The following ACYP2 variants were observed in gnomAD, a reference collection of about 807,000 sequenced individuals.
The protein encoded by ACYP2 is acylphosphatase 2, also known as acylphosphatase-2.
ACYP2 carries 12 observed loss-of-function variants against 11.2 expected under a neutral mutation model. The observed-to-expected ratio is 1.08, with a 90% confidence interval of 0.69 to 1.74. ACYP2 has a LOEUF of 1.74. Ranked by LOEUF, ACYP2 falls within the 40% of genes most tolerant of loss-of-function variation. The probability of loss-of-function intolerance (pLI) is 0.00; values close to 1 mark genes in which losing one functional copy is unlikely to be tolerated. For synonymous variants in ACYP2, 43 were observed against 32.2 expected, an observed-to-expected ratio of 1.33 and a Z score of -1.13; for missense variants, 134 against 101.9, an observed-to-expected ratio of 1.31 and a Z score of -1.35.
At chr2:54,189,517 A>G (rs1684146388) in intron 6 of ACYP2, among the ~76,000 whole-genome samples, 1 of 152,318 alleles carries the variant, frequency 6.6e-6, no homozygotes, top group South Asian at 2.1e-4. Context: ...AGGCCAAATT[A>G]CATATTCTAT....
chr2:54,279,428 T>C (rs1426917643), intron 6 of ACYP2, among the ~76,000 whole-genome samples: 1 of 152,226 alleles, frequency 6.6e-6, no homozygotes, highest in East Asian at 1.9e-4. Flanking sequence ...CTATCTGGCC[T>C]TTTATTGAAA....
chr2:54,072,280 A>G (rs1474448915), intron 4 of ACYP2, among the ~76,000 whole-genome samples: 1 of 152,052 alleles, frequency 6.6e-6, no homozygotes, highest in African/African-American at 2.4e-5. Flanking sequence ...TGCTATTCCA[A>G]TCAAAATCCT....
intron 6 of ACYP2, among the ~76,000 whole-genome samples, chr2:54,210,854 T>C (rs1685305031): frequency 6.6e-6 from 1 of 152,186 alleles, no homozygotes; most frequent in Admixed American, 6.5e-5. Context: ...GACATCTTCA[T>C]TAAATAGGCA....
chr2:53,998,546 G>C (rs1244140964), intron 2 of ACYP2, among the ~76,000 whole-genome samples: 3 of 152,180 alleles, frequency 2.0e-5, no homozygotes, highest in African/African-American at 4.8e-5. Context: ...TGGGCACAGT[G>C]GCTCATGCCT....
intron 2 of ACYP2, chr2:54,029,688 C>CT: frequency 1.9e-6 from 1 of 512,878 alleles, no homozygotes; most frequent in Non-Finnish European, 3.7e-6. Context: ...GTGCTTAATA[C>CT]CCACGTTAAT....
At chr2:54,167,426 C>T (rs1049155237) in intron 6 of ACYP2, among the ~76,000 whole-genome samples, 3 of 152,146 alleles carry the variant, frequency 2.0e-5, no homozygotes, top group Admixed American at 6.5e-5. Context: ...CACTGTATTA[C>T]AAAAAATCTC....
In ACYP2 at chr2:53,979,432, T is replaced by C. The variant is rs557709908; in HGVS notation, c.62+5622T>C. Among the ~76,000 whole-genome samples, 37 of 151,876 alleles carry C rather than the reference T, an allele frequency of 2.4e-4. No individual in the cohort carries two copies. In the East Asian group the frequency reaches 7.1e-3, roughly 29 times the overall value. On this transcript the variant is annotated intron_variant, in intron 2 of 6. Transcript: ENST00000607452. ...TCAAGAGATCAAGAAATTGAGACCATCCTAGCCAACATGATGAAATCCCAT... is the reference window on the plus strand; with the variant it reads ...TCAAGAGATCAAGAAATTGAGACCACCCTAGCCAACATGATGAAATCCCAT...
intron 4 of ACYP2, chr2:54,065,712 T>G: frequency 2.6e-6 from 1 of 389,450 alleles, no homozygotes; most frequent in Non-Finnish European, 4.5e-6. Flanking sequence ...TTTAACAGGC[T>G]GTAGCCGGAA....
chr2:54,217,421 C>G (rs1435163007), intron 6 of ACYP2, among the ~76,000 whole-genome samples: 4 of 152,160 alleles, frequency 2.6e-5, no homozygotes, highest in Admixed American at 6.5e-5. Context: ...GGCTGGAGTT[C>G]AGTGGTGCAA....
At chr2:54,175,380 C>A (rs1414698223) in intron 6 of ACYP2, among the ~76,000 whole-genome samples, 2 of 151,992 alleles carry the variant, frequency 1.3e-5, no homozygotes, top group Non-Finnish European at 2.9e-5. Flanking sequence ...GGTGATATCC[C>A]CTTTATCATT....
intron 6 of ACYP2, among the ~76,000 whole-genome samples, chr2:54,298,101 T>C (rs2104162109): frequency 6.6e-6 from 1 of 152,346 alleles, no homozygotes; most frequent in Non-Finnish European, 1.5e-5. Flanking sequence ...TTTTATATTC[T>C]AAAACCATAA....
intron 6 of ACYP2, among the ~76,000 whole-genome samples, chr2:54,195,355 C>A (rs1386962641): frequency 1.3e-5 from 2 of 152,152 alleles, no homozygotes; most frequent in African/African-American, 4.8e-5. Context: ...GATATATATC[C>A]TTTGACAGTC....
chr2:54,302,931 C>A (rs1242787920), intron 6 of ACYP2, among the ~76,000 whole-genome samples: 1 of 152,208 alleles, frequency 6.6e-6, no homozygotes, highest in African/African-American at 2.4e-5. Flanking sequence ...CCACCCTGTG[C>A]AAGTTACTAT....
At chr2:54,180,614 GC>G (rs1243777358) in intron 6 of ACYP2, among the ~76,000 whole-genome samples, 1 of 152,130 alleles carries the variant, frequency 6.6e-6, no homozygotes, top group African/African-American at 2.4e-5. Context: ...AAGTGTGGTG[GC>G]ATGATCATGG....
intron 2 of ACYP2, chr2:54,029,522 G>C (rs1674473034): frequency 5.1e-6 from 2 of 392,202 alleles, no homozygotes; most frequent in Admixed American, 6.3e-5. Context: ...AGCAACTCAG[G>C]CTCCTTCCCA....
intron 4 of ACYP2, among the ~76,000 whole-genome samples, chr2:54,112,248 T>C (rs905475213): frequency 6.6e-6 from 1 of 152,206 alleles, no homozygotes; most frequent in Non-Finnish European, 1.5e-5. Flanking sequence ...TAACAGGTTT[T>C]AATTTCAACC....
At chr2:54,286,046 A>G (rs1458195194) in intron 6 of ACYP2, among the ~76,000 whole-genome samples, 1 of 152,214 alleles carries the variant, frequency 6.6e-6, no homozygotes, top group Non-Finnish European at 1.5e-5. Flanking sequence ...TTGTAAGTTG[A>G]AAATACTGTA....
At chr2:54,017,512 C>A (rs532300686) in intron 2 of ACYP2, among the ~76,000 whole-genome samples, 1 of 152,198 alleles carries the variant, frequency 6.6e-6, no homozygotes, top group East Asian at 1.9e-4. Context: ...ACCTCAGCCT[C>A]CCAAAGTGCT....
chr2:54,126,463 G>C (rs1367667333), intron 4 of ACYP2, among the ~76,000 whole-genome samples: 1 of 152,076 alleles, frequency 6.6e-6, no homozygotes, highest in South Asian at 2.1e-4. Flanking sequence ...AGGATGTCAA[G>C]AAATTTTATC....
Sources: allele counts gnomAD v4.1 joint callset (sites outside exome capture counted in the v4.1 genomes callset), GRCh38; gene constraint gnomAD v4.1.1; transcripts MANE v1.5; gene names NCBI Gene and HGNC (gene_info 2026-07-23, HGNC 2026-07-21).